The following PCF11 variants were observed in gnomAD, a reference collection of about 807,000 sequenced individuals.
PCF11 encodes the protein pre-mRNA cleavage complex 2 protein Pcf11.
Under a neutral mutation model 166.1 loss-of-function variants are expected in PCF11, and 19 were observed. The observed-to-expected ratio is 0.11, with a 90% CI of 0.08 to 0.17. The LOEUF (loss-of-function observed/expected upper bound fraction) is 0.17, where lower values mean the gene tolerates loss of function less well. Among genes scored for constraint, PCF11 ranks in the 10% least tolerant of loss-of-function variants. The pLI, the probability that PCF11 is intolerant of heterozygous loss-of-function variation, is 1.00. For missense variants in PCF11, 1,565 were observed against 1,855.5 expected (o/e 0.84, Z 2.88); for synonymous variants, 663 against 644.1 (o/e 1.03, Z -0.44).
At position 83,167,254 on chromosome 11, in the gene PCF11, T is replaced by C; in HGVS notation, c.1947T>C (p.Asn649=). ...AGCATCGATTAAGTGTAGATGCCAA[T>C]CTTCAGATTCCTAAAGAGTTAACTC... is the stretch of plus-strand genomic sequence containing the variant. Residue 649 remains asparagine (N), a synonymous_variant, in exon 6 of 16, where the codon AAT becomes AAC. Transcript: ENST00000298281. This position sits in a 1 kb window ranked among gnomAD's most constrained non-coding sequence, Gnocchi z 4.2. 6.2e-7 allele frequency: 1 copy of C among 1,613,796 alleles called. No individual in the cohort carries two copies. Among genetic ancestry groups the C allele is most frequent in the Non-Finnish European group, 8.5e-7 (1 of 1,179,752 alleles).
At chr11:83,180,811 C>A in intron 11 of PCF11, 197 bp from the exon 12 acceptor site, 1 of 373,054 alleles carries the variant, frequency 2.7e-6, no homozygotes, top group South Asian at 7.9e-5. Flanking sequence ...CTCCATCTTC[C>A]AAAAGTCACC....
intron 9 of PCF11, among the ~76,000 whole-genome samples, chr11:83,172,618 C>T (rs1020777384): frequency 1.3e-5 from 2 of 152,048 alleles, no homozygotes; most frequent in African/African-American, 2.4e-5. Context: ...GTTTCACCAT[C>T]TTGGCCAGGC....
At chr11:83,164,714 CAAA>C (rs897532681) in intron 4 of PCF11, among the ~76,000 whole-genome samples, 1 of 138,246 alleles carries the variant, frequency 7.2e-6, no homozygotes, top group African/African-American at 2.6e-5. Context: ...GAGGCCCTAC[CAAA>C]AAAAAAAAAA....
chr11:83,165,701 T>G lies in PCF11; in HGVS notation c.804T>G (p.Ala268=), dbSNP rs1038504094. The G allele has an allele frequency of 1.9e-6, 3 of 1,613,646 alleles. No individual in the cohort carries two copies. In the African/African-American group the frequency reaches 4.0e-5, roughly 22 times the overall value. Reference sequence around the variant, plus strand: ...AGATTCCCCCTATGGCAGTTAAAGCTCCTCATCAGGTTCCTGTGCAATCTG... The same window carrying G: ...AGATTCCCCCTATGGCAGTTAAAGCGCCTCATCAGGTTCCTGTGCAATCTG... Residue 268 remains alanine (A), a synonymous_variant, in exon 5 of 16, where the codon GCT becomes GCG. Coordinates refer to ENST00000298281, the Ensembl canonical transcript of PCF11.
rs1423712657 is a variant in PCF11, at chr11:83,164,443, C to A, written c.702+42C>A. On this transcript the variant is annotated intron_variant, in intron 4 of 15. Transcript: ENST00000298281. ...GTCATTTTAAATATTTTAAACCTGT[C>A]TAACAATAGGGAAGTAATGTTTATG... 4.3e-6 allele frequency: 6 copies of A among 1,402,096 alleles called. No individual in the cohort carries two copies. The Admixed American group carries it at 6.3e-5, about 15-fold the overall frequency. The allele number at this position is 1,402,096 out of a possible 1,614,324, so 86.9% of individuals were successfully genotyped here. A position where few individuals can be genotyped will look rare whatever the true frequency, so the allele number is the denominator to read the frequency against.
exon 1 of PCF11, chr11:83,157,472 TGCG>T: frequency 1.2e-6 from 2 of 1,612,614 alleles, no homozygotes; most frequent in Non-Finnish European, 1.7e-6. Context: ...AGGCCGGTGC[TGCG>T]GGGGCCCGGG....
chr11:83,167,918 A>G lies in PCF11; in HGVS notation c.2092+413A>G. 1 of 1,283,242 alleles carries G rather than the reference A, an allele frequency of 7.8e-7. No homozygotes were observed. The highest frequency in any genetic ancestry group is 1.3e-5 in the South Asian group (1 of 78,316). 79.5% of individuals were successfully genotyped at this position (1,283,242 alleles called of 1,614,324 possible). A position where few individuals can be genotyped will look rare whatever the true frequency, so the allele number is the denominator to read the frequency against. Reference sequence around the variant, plus strand: ...CTAAAGGTAGAAAAAGTTAAATCAGATTATGCCTATTGAATCACACAGCAG... The same window carrying G: ...CTAAAGGTAGAAAAAGTTAAATCAGGTTATGCCTATTGAATCACACAGCAG... On this transcript the variant is annotated intron_variant, in intron 7 of 15. Transcript: ENST00000298281. The surrounding 1 kb of genome is among the most constrained non-coding windows in gnomAD (Gnocchi z 4.2).
At chr11:83,184,701 C>G in exon 16 of PCF11, 3 of 1,611,106 alleles carry the variant, frequency 1.9e-6, no homozygotes, top group Non-Finnish European at 2.5e-6. Flanking sequence ...GATTGTACAC[C>G]ATCTCCCAGC....
exon 8 of PCF11, chr11:83,169,741 A>G (rs769870683): frequency 1.2e-6 from 2 of 1,613,820 alleles, no homozygotes; most frequent in African/African-American, 2.7e-5. Context: ...TGGTCCATAT[A>G]ATGATCCACC....
At chr11:83,182,753 T>C (rs1297387437) in intron 14 of PCF11, among the ~76,000 whole-genome samples, 1 of 152,192 alleles carries the variant, frequency 6.6e-6, no homozygotes, top group Non-Finnish European at 1.5e-5. Context: ...TTAGTCGTTT[T>C]TCTGTCGACC....
rs868762582 is a variant in PCF11 at position 83,163,414 on chromosome 11, T to C, written c.319-265T>C. 2.6e-4 allele frequency among the ~76,000 whole-genome samples: 39 copies of C among 152,308 alleles called. 1 individual carries two copies. The Middle Eastern group carries it at 0.01, about 40-fold the overall frequency. Reference sequence around the variant, plus strand: ...AGAAAGAGTAACTTTAGGAATATTATACTAAGCTCTAAGATGTGGAAACGT... The same window carrying C: ...AGAAAGAGTAACTTTAGGAATATTACACTAAGCTCTAAGATGTGGAAACGT... On this transcript the variant is annotated intron_variant, in intron 2 of 15. Coordinates refer to ENST00000298281, the Ensembl canonical transcript of PCF11.
intron 8 of PCF11, among the ~76,000 whole-genome samples, chr11:83,170,227 A>G (rs549102062): frequency 6.6e-6 from 1 of 152,174 alleles, no homozygotes; most frequent in Non-Finnish European, 1.5e-5. Flanking sequence ...ATCTCAATCA[A>G]ACCCCCACCT....
exon 16 of PCF11, chr11:83,186,158 G>C (rs1458847627): frequency 6.6e-6 from 1 of 152,112 alleles, no homozygotes; most frequent in Non-Finnish European, 1.5e-5. Context: ...AATTTTAAAA[G>C]ATACCCCCAA....
chr11:83,168,656 A>G, exon 8 of PCF11: 1 of 1,613,980 alleles, frequency 6.2e-7, no homozygotes, highest in Non-Finnish European at 8.5e-7. Flanking sequence ...GAAGGACCCA[A>G]TAAATTAAGC....
At chr11:83,166,196 G>C in exon 5 of PCF11, 4 of 1,612,104 alleles carry the variant, frequency 2.5e-6, no homozygotes, top group Non-Finnish European at 3.4e-6. Context: ...ATAAAGATGA[G>C]CACATGAAGT....
At chr11:83,164,017 G>C in intron 3 of PCF11, 150 bp downstream of exon 3, 1 of 607,274 alleles carries the variant, frequency 1.6e-6, no homozygotes, top group Non-Finnish European at 2.8e-6. Context: ...TATATGTTTG[G>C]AATTTTTATT....
chr11:83,178,876 A>G (rs1860982326), intron 11 of PCF11, among the ~76,000 whole-genome samples: 1 of 152,138 alleles, frequency 6.6e-6, no homozygotes, highest in African/African-American at 2.4e-5. Context: ...ATTAGAACAT[A>G]CTATAAATAA....
At chr11:83,179,277 TCTCA>T (rs1405374256) in intron 11 of PCF11, among the ~76,000 whole-genome samples, 2 of 151,622 alleles carry the variant, frequency 1.3e-5, no homozygotes, top group Non-Finnish European at 2.9e-5. Context: ...TGAGACAGAG[TCTCA>T]CTCTGTCACC....
chr11:83,168,654 C>G (rs117248478), exon 8 of PCF11: 39 of 1,613,746 alleles, frequency 2.4e-5, no homozygotes, highest in Middle Eastern at 1.6e-4. Context: ...TTGAAGGACC[C>G]AATAAATTAA....
Sources: allele counts gnomAD v4.1 joint callset (sites outside exome capture counted in the v4.1 genomes callset), GRCh38; gene constraint gnomAD v4.1.1; non-coding constraint Gnocchi (gnomAD v3.1); transcripts MANE v1.5; gene names NCBI Gene and HGNC (gene_info 2026-07-23, HGNC 2026-07-21).